Variants in PHLDB1 observed in about 807,000 individuals in gnomAD.
PHLDB1 encodes pleckstrin homology like domain family B member 1.
A neutral mutation model predicts 139.3 loss-of-function variants in PHLDB1; 65 were observed. The observed-to-expected ratio is 0.47, with a 90% CI of 0.38 to 0.57. The LOEUF is 0.57. Among genes scored for constraint, PHLDB1 ranks in the 20% least tolerant of loss-of-function variants. The probability of loss-of-function intolerance (pLI) is 0.00; values close to 1 mark genes in which losing one functional copy is unlikely to be tolerated. For missense variants in PHLDB1, 1,624 were observed against 1,839.7 expected (o/e 0.88, Z 2.14); for synonymous variants, 679 against 734.5 (o/e 0.92, Z 1.22).
intron 18 of PHLDB1, among the ~76,000 whole-genome samples, chr11:118,649,754 G>A (rs116187929): frequency 0.012 from 1,786 of 152,270 alleles, 30 homozygotes; most frequent in African/African-American, 0.039. Context: ...CCCAGACCAC[G>A]TTCATATCTG....
In PHLDB1 at chr11:118,611,847, T is replaced by A. The variant is rs1321697109; in HGVS notation, c.-21-1969T>A. On this transcript the variant is annotated intron_variant, in intron 1 of 22. Transcript: ENST00000600882. This position sits in a 1 kb window ranked among gnomAD's most constrained non-coding sequence, Gnocchi z 4.7. Reference sequence around the variant, plus strand: ...AAAAAAAAAAAAATAATAATAATAATAATAAATGGCATTAAGTGCTTTGCT... The same window carrying A: ...AAAAAAAAAAAAATAATAATAATAAAAATAAATGGCATTAAGTGCTTTGCT... Among the ~76,000 whole-genome samples the A allele has an allele frequency of 2.7e-5, 4 of 150,834 alleles. No individual in the cohort carries two copies. The highest frequency in any genetic ancestry group is 2.1e-4 in the South Asian group (1 of 4,792).
rs782518006 is a variant in PHLDB1 at position 118,627,512 on chromosome 11, G to A, written c.689G>A (p.Arg230His). ...SPLSPMANGG[R>H]YLLSPPTSPG... is the part of the protein sequence containing the mutation. ...CTGTCACCGATGGCTAATGGTGGGC[G>A]CTACCTGCTGTCTCCCCCAACCAGC... Residue 230 changes from arginine to histidine, a missense_variant, in exon 6 of 23, where the codon CGC becomes CAC. Arg to His is a conservative substitution (Grantham distance 29). Coordinates refer to ENST00000600882, the MANE Select transcript of PHLDB1 (RefSeq NM_001144758.3). The A allele has an allele frequency of 1.1e-5, 18 of 1,614,196 alleles. No homozygotes were observed. The highest frequency in any genetic ancestry group is 9.9e-5 in the South Asian group (9 of 91,088).
chr11:118,612,041 T>C (rs917167813), intron 1 of PHLDB1, among the ~76,000 whole-genome samples: 4 of 151,830 alleles, frequency 2.6e-5, no homozygotes, highest in Non-Finnish European at 4.4e-5. Context: ...ACAATTTAAT[T>C]TGAAAACATT....
In PHLDB1 at chr11:118,611,832, AAAT is replaced by A. The variant is rs1555084304; in HGVS notation, c.-21-1966_-21-1964del. 5.1e-4 allele frequency among the ~76,000 whole-genome samples: 75 copies of A among 147,038 alleles called. No individual in the cohort carries two copies. Among genetic ancestry groups the A allele is most frequent in the Non-Finnish European group, 6.0e-4 (40 of 67,178 alleles). On this transcript the variant is annotated intron_variant, in intron 1 of 22. Coordinates refer to ENST00000600882, the MANE Select transcript of PHLDB1 (RefSeq NM_001144758.3). This position sits in a 1 kb window ranked among gnomAD's most constrained non-coding sequence, Gnocchi z 4.7. Reference sequence around the variant, plus strand: ...AAACTCCGTCTCAAAAAAAAAAAAAAAATAATAATAATAATAATAAATGGCATT... The same window carrying A: ...AAACTCCGTCTCAAAAAAAAAAAAAAAATAATAATAATAATAAATGGCATT...
chr11:118,608,884 A>ACAGC lies in PHLDB1; in HGVS notation c.-22+1185_-22+1186insCAGC, dbSNP rs2135587282. On this transcript the variant is annotated intron_variant, in intron 1 of 22. Coordinates refer to ENST00000600882, the MANE Select transcript of PHLDB1 (RefSeq NM_001144758.3). This position sits in a 1 kb window ranked among gnomAD's most constrained non-coding sequence, Gnocchi z 6.7. Reference sequence around the variant, plus strand: ...CGCTTACACGCGCCCCAGCTCACACATGCACCCCAGTCACACAGCCTACCT... The same window carrying ACAGC: ...CGCTTACACGCGCCCCAGCTCACACACAGCTGCACCCCAGTCACACAGCCTACCT... Among the ~76,000 whole-genome samples, 1 of 151,412 alleles carries ACAGC rather than the reference A, an allele frequency of 6.6e-6. No individual in the cohort carries two copies. Among genetic ancestry groups the ACAGC allele is most frequent in the Admixed American group, 6.6e-5 (1 of 15,222 alleles).
intron 20 of PHLDB1, chr11:118,655,341 A>G (rs1275834797): frequency 3.0e-6 from 1 of 337,178 alleles, no homozygotes; most frequent in African/African-American, 2.1e-5. Flanking sequence ...TGTGCTGTAT[A>G]TTTGTTGTAT....
chr11:118,618,454 C>T (rs1565402563), intron 4 of PHLDB1, among the ~76,000 whole-genome samples: 1 of 152,126 alleles, frequency 6.6e-6, no homozygotes, highest in Non-Finnish European at 1.5e-5. Context: ...CTCGGGGGTG[C>T]ATGTGCTATC....
At chr11:118,636,781 C>T (rs1455506510) in intron 10 of PHLDB1, 2 of 152,158 alleles carry the variant, frequency 1.3e-5, no homozygotes, top group African/African-American at 2.4e-5. Flanking sequence ...CTAGCCTCTT[C>T]CTCTTTCTTT....
At chr11:118,646,593 G>A (rs1479701134) in intron 17 of PHLDB1, 3 of 152,070 alleles carry the variant, frequency 2.0e-5, no homozygotes, top group African/African-American at 7.2e-5. Context: ...GGGAACCTTG[G>A]GAGCAGAGAG....
rs543752324 is a variant in PHLDB1, at chr11:118,613,280, G to A, written c.-21-536G>A. 4 of 985,046 alleles carry A rather than the reference G, an allele frequency of 4.1e-6. No individual in the cohort carries two copies. In the Admixed American group the frequency reaches 1.8e-4, roughly 45 times the overall value. The allele number at this position is 985,046 out of a possible 1,614,324, so 61.0% of individuals were successfully genotyped here. A position where few individuals can be genotyped will look rare whatever the true frequency, so the allele number is the denominator to read the frequency against. ...GCAGGAATGGCTGAGTTTTTCTTTTGTGTCTCCTTTAAGAAAACATCCTAC... is the reference window on the plus strand; with the variant it reads ...GCAGGAATGGCTGAGTTTTTCTTTTATGTCTCCTTTAAGAAAACATCCTAC... On this transcript the variant is annotated intron_variant, in intron 1 of 22. Coordinates refer to ENST00000600882, the MANE Select transcript of PHLDB1 (RefSeq NM_001144758.3).
Position 118,610,504 on chromosome 11 carries a change from GA to G in PHLDB1, c.-22+2806del. On this transcript the variant is annotated intron_variant, in intron 1 of 22. Coordinates refer to ENST00000600882, the MANE Select transcript of PHLDB1 (RefSeq NM_001144758.3). The surrounding 1 kb of genome is among the most constrained non-coding windows in gnomAD (Gnocchi z 8.7). ...GCCATGCACCGCTTGGGCCGAGGCC[GA>G]GGCCGACCCCCAGGGACACAGGTGA... 3.7e-6 allele frequency: 3 copies of G among 801,174 alleles called. No individual in the cohort carries two copies. Among genetic ancestry groups the G allele is most frequent in the Non-Finnish European group, 4.5e-6 (3 of 661,882 alleles). The allele number at this position is 801,174 out of a possible 1,614,324, so 49.6% of individuals were successfully genotyped here. A position where few individuals can be genotyped will look rare whatever the true frequency, so the allele number is the denominator to read the frequency against.
rs1555111317 is a variant in PHLDB1 at position 118,631,990 on chromosome 11, C to T, written c.2178C>T (p.His726=). ...LEEERAQVLG[H]VEQLKVRVKE... is the part of the protein sequence containing the mutation. ...AAGAGCGGGCTCAGGTGCTGGGGCA[C>T]GTGGAGCAGCTCAAGGTCCGTGTGA... The change falls in exon 8 of 23, where the codon CAC becomes CAT. Residue 726 remains histidine (H), a synonymous_variant. Transcript: ENST00000600882. 3 of 1,613,962 alleles carry T rather than the reference C, an allele frequency of 1.9e-6. No individual in the cohort carries two copies. The highest frequency in any genetic ancestry group is 2.2e-5 in the East Asian group (1 of 44,890).
Position 118,629,328 on chromosome 11 carries a change from G to A in PHLDB1, c.1827+678G>A, listed in dbSNP as rs146118269. 1.1e-4 allele frequency among the ~76,000 whole-genome samples: 17 copies of A among 152,346 alleles called. No individual in the cohort carries two copies. In the East Asian group the frequency reaches 2.3e-3, roughly 21 times the overall value. The stretch of plus-strand genomic sequence containing the variant: ...ACTGTGTGTGTCCATGTGCATGCAC[G>A]TGGGTGCATGCAGGGGCTGGGTGTG... On this transcript the variant is annotated intron_variant, in intron 6 of 22. Transcript: ENST00000600882.
rs1437279068 is a variant in PHLDB1 at position 118,656,790 on chromosome 11, A to G, written c.4101A>G (p.Thr1367=). 1.2e-6 allele frequency: 2 copies of G among 1,613,902 alleles called. No homozygotes were observed. The highest frequency in any genetic ancestry group is 1.1e-5 in the South Asian group (1 of 91,082). The change falls in exon 23 of 23, where the codon ACA becomes ACG. Residue 1367 remains threonine, a synonymous_variant. Coordinates refer to ENST00000600882, the MANE Select transcript of PHLDB1 (RefSeq NM_001144758.3). ...AMRIWMDVIV[T]GAEGYTQFMN ...GTATCTGGATGGATGTCATTGTCAC[A>G]GGGGCTGAGGGCTACACTCAGTTCA... is the stretch of plus-strand genomic sequence containing the variant.
rs879983657 is a variant in PHLDB1, at chr11:118,631,070, G to C, written c.1828-137G>C. ...TGCCTCCCCTAGGTCTTGGGGTCAGGCCTCTCCTGACTTGACACTGATGTC... is the reference window on the plus strand; with the variant it reads ...TGCCTCCCCTAGGTCTTGGGGTCAGCCCTCTCCTGACTTGACACTGATGTC... On this transcript the variant is annotated intron_variant, in intron 6 of 22. Transcript: ENST00000600882. 9 of 717,122 alleles carry C rather than the reference G, an allele frequency of 1.3e-5. No homozygotes were observed. The South Asian group carries it at 3.9e-4, about 31-fold the overall frequency. The allele number at this position is 717,122 out of a possible 1,614,324, so 44.4% of individuals were successfully genotyped here. A position where few individuals can be genotyped will look rare whatever the true frequency, so the allele number is the denominator to read the frequency against.
intron 14 of PHLDB1, 60 bp from the exon 15 acceptor site, chr11:118,644,012 C>T: frequency 6.2e-7 from 1 of 1,604,056 alleles, no homozygotes; most frequent in South Asian, 1.1e-5. Context: ...GAGGCCAAGA[C>T]CTTGGGAATG....
chr11:118,626,557 A>T (rs1462787017), intron 5 of PHLDB1, among the ~76,000 whole-genome samples: 2 of 151,456 alleles, frequency 1.3e-5, no homozygotes, highest in Non-Finnish European at 2.9e-5. Context: ...CTAATTTTTT[A>T]TTTTTAGTAG....
chr11:118,634,322 G>C (rs782772575), intron 9 of PHLDB1: 1 of 152,288 alleles, frequency 6.6e-6, no homozygotes, highest in African/African-American at 2.4e-5. Context: ...GAGGCCAAGG[G>C]TGTTGGGTTG....
chr11:118,607,064 C>T (rs1036156046), upstream of PHLDB1, among the ~76,000 whole-genome samples: 6 of 151,604 alleles, frequency 4.0e-5, no homozygotes, highest in Admixed American at 3.3e-4. Flanking sequence ...TGGAATAGGG[C>T]GAGGGGAGGA....
Sources: allele counts gnomAD v4.1 joint callset (sites outside exome capture counted in the v4.1 genomes callset), GRCh38; gene constraint gnomAD v4.1.1; non-coding constraint Gnocchi (gnomAD v3.1); transcripts MANE v1.5; gene names NCBI Gene and HGNC (gene_info 2026-07-23, HGNC 2026-07-21).